TTLL11: variants seen among roughly 807,000 people sequenced by gnomAD.
TTLL11 encodes the protein tubulin polyglutamylase TTLL11.
In TTLL11, 42 loss-of-function variants were observed where a neutral mutation model predicts 51.7. The observed-to-expected ratio is 0.81, with a 90% CI of 0.64 to 1.05. The LOEUF is 1.05. Ranked by LOEUF, TTLL11 falls within the 50% of genes least tolerant of loss-of-function variation. TTLL11 has a pLI of 0.00. For synonymous variants in TTLL11, 381 were observed against 383.5 expected, an observed-to-expected ratio of 0.99 and a Z score of 0.08; for missense variants, 799 against 940.4, an observed-to-expected ratio of 0.85 and a Z score of 1.97.
intron 3 of TTLL11, among the ~76,000 whole-genome samples, chr9:122,013,446 A>G (rs1378715761): frequency 6.6e-6 from 1 of 152,170 alleles, no homozygotes; most frequent in Non-Finnish European, 1.5e-5. Context: ...AGGTTTGTGC[A>G]GTGAAGAAGA....
At position 121,906,452 on chromosome 9, in the gene TTLL11, CTTGTCT is replaced by C. The variant is rs374566934; in HGVS notation, c.1482-35710_1482-35705del. 1.2e-3 allele frequency among the ~76,000 whole-genome samples: 180 copies of C among 152,302 alleles called. 2 individuals are homozygous for C. Among genetic ancestry groups the C allele is most frequent in the African/African-American group, 4.1e-3 (172 of 41,564 alleles). ...CTCATCACCAGTGCCTCATTTAACACTTGTCTTTGTCTTTATCCCATCACAGTTATT... is the reference window on the plus strand; with the variant it reads ...CTCATCACCAGTGCCTCATTTAACACTTGTCTTTATCCCATCACAGTTATT... On this transcript the variant is annotated intron_variant, in intron 6 of 8. Coordinates refer to ENST00000321582, the MANE Select transcript of TTLL11 (RefSeq NM_001139442.2).
At chr9:121,997,376 A>G (rs56079509) in intron 3 of TTLL11, among the ~76,000 whole-genome samples, 3,657 of 152,162 alleles carry the variant, frequency 0.024, 139 homozygotes, top group African/African-American at 0.084. Context: ...CCTTCCCCAC[A>G]GTGCAGTCCC....
chr9:121,915,202 C>A (rs1427903707), intron 6 of TTLL11, among the ~76,000 whole-genome samples: 1 of 152,058 alleles, frequency 6.6e-6, no homozygotes. Flanking sequence ...AAAAAGTAAA[C>A]AAAGGTGTGT....
intron 6 of TTLL11, among the ~76,000 whole-genome samples, chr9:121,902,734 C>T (rs556262758): frequency 1.4e-4 from 22 of 152,154 alleles, no homozygotes; most frequent in African/African-American, 3.6e-4. Context: ...TCTTTTCTGA[C>T]GCAGATGGGA....
chr9:122,065,355 C>T (rs1385513171), intron 1 of TTLL11, among the ~76,000 whole-genome samples: 1 of 152,192 alleles, frequency 6.6e-6, no homozygotes, highest in Non-Finnish European at 1.5e-5. Flanking sequence ...GCCAGCCAGT[C>T]AAATAAAAAT....
chr9:122,085,213 T>C (rs1846093682), intron 1 of TTLL11, among the ~76,000 whole-genome samples: 1 of 152,092 alleles, frequency 6.6e-6, no homozygotes, highest in Admixed American at 6.5e-5. Context: ...TGAGCTGAGA[T>C]CGCACCACTG....
At chr9:122,010,930 G>A (rs1201701541) in intron 3 of TTLL11, among the ~76,000 whole-genome samples, 3 of 152,160 alleles carry the variant, frequency 2.0e-5, no homozygotes, top group Non-Finnish European at 4.4e-5. Flanking sequence ...GCGTAAGCTT[G>A]GGCATGGCAC....
At chr9:121,901,383 G>T (rs1259594964) in intron 6 of TTLL11, among the ~76,000 whole-genome samples, 1 of 151,608 alleles carries the variant, frequency 6.6e-6, no homozygotes, top group Non-Finnish European at 1.5e-5. Context: ...GATCTTCATT[G>T]GTAGGAATTC....
intron 3 of TTLL11, among the ~76,000 whole-genome samples, chr9:122,015,807 C>CAAAAAAAAAAAAA (rs11297849): frequency 3.6e-4 from 34 of 94,404 alleles, no homozygotes; most frequent in African/African-American, 9.4e-4. Context: ...TCAAAAGAGA[C>CAAAAAAAAAAAAA]AAAAAAAAAA....
intron 6 of TTLL11, among the ~76,000 whole-genome samples, chr9:121,937,530 C>A (rs2131571518): frequency 6.6e-6 from 1 of 152,298 alleles, no homozygotes; most frequent in African/African-American, 2.4e-5. Flanking sequence ...TCGTATTCAC[C>A]AAACCATGAG....
At chr9:121,882,333 C>A (rs928171893) in intron 6 of TTLL11, among the ~76,000 whole-genome samples, 2 of 152,198 alleles carry the variant, frequency 1.3e-5, no homozygotes, top group Non-Finnish European at 2.9e-5. Context: ...TTTCCATGTG[C>A]ATGGTCCCCT....
chr9:121,963,665 T>C (rs1242391330), intron 6 of TTLL11: 1 of 152,208 alleles, frequency 6.6e-6, no homozygotes. Flanking sequence ...CACTCTCACA[T>C]CAGCTCAGGA....
chr9:122,084,786 T>C (rs1175425499), intron 1 of TTLL11, among the ~76,000 whole-genome samples: 3 of 152,192 alleles, frequency 2.0e-5, no homozygotes, highest in Non-Finnish European at 4.4e-5. Context: ...GTAAAGCAAC[T>C]TGTCCAGGGG....
chr9:122,070,637 C>T (rs1013376203), intron 1 of TTLL11, among the ~76,000 whole-genome samples: 2 of 152,066 alleles, frequency 1.3e-5, no homozygotes, highest in African/African-American at 4.8e-5. Flanking sequence ...TAGGGCTGGA[C>T]GAGTGTCTCT....
intron 3 of TTLL11, among the ~76,000 whole-genome samples, chr9:122,003,639 C>T (rs1483138766): frequency 2.0e-5 from 3 of 151,350 alleles, no homozygotes; most frequent in African/African-American, 7.3e-5. Flanking sequence ...CACCTGCCAC[C>T]ACACCCAGCT....
At chr9:122,021,487 C>T (rs915106834) in intron 3 of TTLL11, among the ~76,000 whole-genome samples, 1 of 152,160 alleles carries the variant, frequency 6.6e-6, no homozygotes, top group Non-Finnish European at 1.5e-5. Context: ...GCAGAGGTAG[C>T]AGTGCCTGGT....
chr9:121,846,246 A>T (rs1469746273), intron 8 of TTLL11, among the ~76,000 whole-genome samples: 4 of 152,198 alleles, frequency 2.6e-5, no homozygotes, highest in Admixed American at 2.0e-4. Context: ...AATCCTTAAC[A>T]TGTATGCACC....
rs995376788 is a variant in TTLL11 at position 121,822,943 on chromosome 9, C to T, written c.1841-64G>A. ...TGCCCTACGCTGCCCTGGGAAGGCC[C>T]ACCTCCAGCCACAAGGATGTCAGCA... On this transcript the variant is annotated intron_variant, in intron 8 of 8. Coordinates refer to ENST00000321582, the MANE Select transcript of TTLL11 (RefSeq NM_001139442.2). The surrounding 1 kb of genome is among the most constrained non-coding windows in gnomAD (Gnocchi z 5.8). 1.6e-5 allele frequency: 23 copies of T among 1,455,982 alleles called. No individual in the cohort carries two copies. The highest frequency in any genetic ancestry group is 2.1e-5 in the Non-Finnish European group (23 of 1,097,578). The allele number at this position is 1,455,982 out of a possible 1,614,324, so 90.2% of individuals were successfully genotyped here.
At position 122,057,022 on chromosome 9, in the gene TTLL11, T is replaced by C. The variant is rs553269283; in HGVS notation, c.463-17654A>G. Among the ~76,000 whole-genome samples, 9 of 152,316 alleles carry C rather than the reference T, an allele frequency of 5.9e-5. No individual in the cohort carries two copies. The East Asian group carries it at 1.7e-3, about 29-fold the overall frequency. On this transcript the variant is annotated intron_variant, in intron 1 of 8. Coordinates refer to ENST00000321582, the MANE Select transcript of TTLL11 (RefSeq NM_001139442.2). ...AGGAAAGAAGTGCTGAATGGGTGGA[T>C]GTGTTCTTGGAGTGATTGCTGAGAA...
Sources: allele counts gnomAD v4.1 joint callset (sites outside exome capture counted in the v4.1 genomes callset), GRCh38; gene constraint gnomAD v4.1.1; non-coding constraint Gnocchi (gnomAD v3.1); transcripts MANE v1.5; gene names NCBI Gene and HGNC (gene_info 2026-07-23, HGNC 2026-07-21).